Variants in AK3 observed in about 807,000 individuals in gnomAD.
AK3 encodes adenylate kinase 3.
In AK3, 27 loss-of-function variants were observed where a neutral mutation model predicts 23.7. The observed-to-expected ratio is 1.14, with a 90% CI of 0.84 to 1.57. The LOEUF is 1.57. Ranked by LOEUF, AK3 falls within the 40% of genes most tolerant of loss-of-function variation. The pLI is 0.00. For missense variants in AK3, 406 were observed against 285.6 expected (o/e 1.42, Z -3.04); for synonymous variants, 159 against 116.0 (o/e 1.37, Z -2.38).
chr9:4,724,232 C>T lies in AK3; in HGVS notation c.152-1607G>A, dbSNP rs778046402. ...TTTTGACTACTGCTCTGGGGAGGGA[C>T]AGCTTCAACCTCATCAACAGCATTT... On this transcript the variant is annotated intron_variant, in intron 1 of 4. Transcript: ENST00000381809. Among the ~76,000 whole-genome samples the T allele has an allele frequency of 3.9e-5, 6 of 152,146 alleles. No individual in the cohort carries two copies. In the South Asian group the frequency reaches 8.3e-4, roughly 21 times the overall value.
rs1412480944 is a variant in AK3 at position 4,712,657 on chromosome 9, C to T, written c.*319G>A. The T allele has an allele frequency of 6.0e-6, 1 of 166,970 alleles. No homozygotes were observed. The highest frequency in any genetic ancestry group is 2.4e-5 in the African/African-American group (1 of 41,954). 10.3% of individuals were successfully genotyped at this position (166,970 alleles called of 1,614,324 possible). On this transcript the variant is annotated 3_prime_UTR_variant, in exon 5 of 5. Transcript: ENST00000381809. ...CAGAAAAATATGGAAACTTTATCAA[C>T]CACTTATTAACTGAACAAAAAGTTA...
chr9:4,732,227 GC>G (rs1842170707), intron 1 of AK3, among the ~76,000 whole-genome samples: 1 of 152,134 alleles, frequency 6.6e-6, no homozygotes, highest in African/African-American at 2.4e-5. Context: ...GGAATTACAG[GC>G]ATGAGCCACT....
chr9:4,735,372 A>AATATATATACACATATATAAAT (rs1842257704), intron 1 of AK3, among the ~76,000 whole-genome samples: 1 of 40,712 alleles, frequency 2.5e-5, no homozygotes, highest in Non-Finnish European at 4.9e-5. Flanking sequence ...TACATATATA[A>AATATATATACACATATATAAAT]ATATATATAC....
At chr9:4,730,726 A>G (rs1178021890) in intron 1 of AK3, among the ~76,000 whole-genome samples, 2 of 152,214 alleles carry the variant, frequency 1.3e-5, no homozygotes, top group African/African-American at 2.4e-5. Context: ...TGTTTGTATG[A>G]TTTAATTAGA....
chr9:4,714,796 A>T (rs962287182), intron 4 of AK3, among the ~76,000 whole-genome samples: 1 of 152,230 alleles, frequency 6.6e-6, no homozygotes, highest in African/African-American at 2.4e-5. Flanking sequence ...GGTTTTTTTT[A>T]AAACAACCAA....
chr9:4,733,785 C>T (rs1842208771), intron 1 of AK3, among the ~76,000 whole-genome samples: 1 of 148,114 alleles, frequency 6.8e-6, no homozygotes, highest in Non-Finnish European at 1.5e-5. Flanking sequence ...CCTGAAACCA[C>T]ACCCCCAGCA....
At chr9:4,715,837 C>G (rs1841711685) in intron 4 of AK3, among the ~76,000 whole-genome samples, 1 of 152,306 alleles carries the variant, frequency 6.6e-6, no homozygotes, top group African/African-American at 2.4e-5. Context: ...CTCTGGTTAC[C>G]TTTGGGAAAT....
At position 4,713,026 on chromosome 9, in the gene AK3, G is replaced by C. The variant is rs1420432146; in HGVS notation, c.634C>G (p.Leu212Val). 2 of 1,613,712 alleles carry C rather than the reference G, an allele frequency of 1.2e-6. No individual in the cohort carries two copies. The highest frequency in any genetic ancestry group is 1.3e-5 in the African/African-American group (1 of 75,022). The stretch of plus-strand genomic sequence containing the variant: ...CTTCTTTGTGGAACTTTAGTTTGTA[G>C]GAAAGCATATACATAGGGCCAAATC... ...NKIWPYVYAF[L>V]QTKVPQRSQK... is the part of the protein sequence containing the mutation. Residue 212 changes from leucine to valine, a missense_variant, in exon 5 of 5, where the codon CTA becomes GTA. Coordinates refer to ENST00000381809, the MANE Select transcript of AK3 (RefSeq NM_016282.4).
chr9:4,731,389 G>T (rs118102752), intron 1 of AK3, among the ~76,000 whole-genome samples: 2 of 151,954 alleles, frequency 1.3e-5, no homozygotes. Context: ...CTTTTCCTGC[G>T]TTAGTTTGCT....
At chr9:4,735,014 G>C (rs746546610) in intron 1 of AK3, among the ~76,000 whole-genome samples, 2 of 151,640 alleles carry the variant, frequency 1.3e-5, no homozygotes, top group African/African-American at 4.9e-5. Context: ...TGTGGGGTAG[G>C]AACAGAAGTG....
intron 1 of AK3, among the ~76,000 whole-genome samples, chr9:4,727,111 C>A (rs116535676): frequency 6.6e-6 from 1 of 152,176 alleles, no homozygotes; most frequent in Admixed American, 6.6e-5. Context: ...CTTTGTCATT[C>A]CATTTACAGA....
chr9:4,731,040 T>C (rs439486), intron 1 of AK3, among the ~76,000 whole-genome samples: 12,786 of 152,232 alleles, frequency 0.084, 635 homozygotes, highest in African/African-American at 0.13. Context: ...CTTGTAACTG[T>C]TGATGTTGGT....
At position 4,718,485 on chromosome 9, in the gene AK3, G is replaced by A. The variant is rs570611598; in HGVS notation, c.497C>T (p.Pro166Leu). ...CTTTAGTCTCTTGATAACCGTCTCTGGTTTATCATCCTCACGCTGAATGAG... is the reference window on the plus strand; with the variant it reads ...CTTTAGTCTCTTGATAACCGTCTCTAGTTTATCATCCTCACGCTGAATGAG... Reference protein sequence around the residue: ...EPLIQREDDKPETVIKRLKAY... With the variant: ...EPLIQREDDKLETVIKRLKAY... Residue 166 changes from proline (P) to leucine (L), a missense_variant, in exon 4 of 5, where the codon CCA becomes CTA. Pro to Leu is a moderately conservative substitution (Grantham distance 98). Coordinates refer to ENST00000381809, the MANE Select transcript of AK3 (RefSeq NM_016282.4). The A allele has an allele frequency of 6.2e-7, 1 of 1,613,700 alleles. No homozygotes were observed. The highest frequency in any genetic ancestry group is 8.5e-7 in the Non-Finnish European group (1 of 1,179,822).
intron 3 of AK3, 143 bp downstream of exon 3, chr9:4,718,992 T>C: frequency 1.1e-6 from 1 of 888,564 alleles, no homozygotes; most frequent in Non-Finnish European, 1.7e-6. Context: ...GTGGACTTGA[T>C]CAGTCAACTC....
intron 4 of AK3, among the ~76,000 whole-genome samples, chr9:4,714,173 C>CAT (rs1841654894): frequency 6.8e-5 from 2 of 29,460 alleles, no homozygotes; most frequent in African/African-American, 1.6e-4. Flanking sequence ...CACCTCCACA[C>CAT]ATACGCCTCC....
intron 2 of AK3, among the ~76,000 whole-genome samples, chr9:4,719,809 T>C (rs466740): frequency 0.34 from 51,122 of 152,052 alleles, 9,656 homozygotes; most frequent in African/African-American, 0.52. Flanking sequence ...CTCACACCTG[T>C]AATCCCAGCA....
At chr9:4,713,970 C>A (rs77832053) in intron 4 of AK3, among the ~76,000 whole-genome samples, 842 of 22,450 alleles carry the variant, frequency 0.038, 137 homozygotes, top group Middle Eastern at 0.15. Context: ...ATACACACCT[C>A]CACATTTACA....
rs10974744 is a variant in AK3, at chr9:4,712,644, G to T, written c.*332C>A. The stretch of plus-strand genomic sequence containing the variant: ...TTTTTAACTTTTCCAGAAAAATATG[G>T]AAACTTTATCAACCACTTATTAACT... On this transcript the variant is annotated 3_prime_UTR_variant, in exon 5 of 5. Transcript: ENST00000381809. The T allele has an allele frequency of 0.022, 3,462 of 160,970 alleles. 116 individuals are homozygous for T. Among genetic ancestry groups the T allele is most frequent in the African/African-American group, 0.068 (2,852 of 41,796 alleles). The allele number at this position is 160,970 out of a possible 1,614,324, so 10.0% of individuals were successfully genotyped here. A position where few individuals can be genotyped will look rare whatever the true frequency, so the allele number is the denominator to read the frequency against.
rs150051526 is a variant in AK3 at position 4,732,357 on chromosome 9, G to C, written c.151+8580C>G. ...TGTGAATCAATTGTGTATGCTATTG[G>C]TAAGGCTCCTGGTCAACAGTAGGCT... On this transcript the variant is annotated intron_variant, in intron 1 of 4. Transcript: ENST00000381809. Among the ~76,000 whole-genome samples the C allele has an allele frequency of 5.3e-5, 8 of 152,246 alleles. No homozygotes were observed. In the East Asian group the frequency reaches 1.4e-3, roughly 26 times the overall value.
Sources: gnomAD v4.1 joint callset for allele counts (sites outside exome capture counted in the v4.1 genomes callset) on GRCh38, gnomAD v4.1.1 for gene constraint, MANE v1.5 for transcripts, NCBI Gene and HGNC (gene_info 2026-07-23, HGNC 2026-07-21) for gene names.